Variants in TBC1D9B observed in about 807,000 individuals in gnomAD.
TBC1D9B encodes the protein TBC1 domain family member 9B.
In TBC1D9B, 87 loss-of-function variants were observed where a neutral mutation model predicts 121.1. That is an observed-to-expected ratio of 0.72 (90% CI 0.60 to 0.86). The LOEUF (loss-of-function observed/expected upper bound fraction) is 0.86, where lower values mean the gene tolerates loss of function less well. Ranked by LOEUF, TBC1D9B falls within the 40% of genes least tolerant of loss-of-function variation. The pLI is 0.00. For synonymous variants in TBC1D9B, 668 were observed against 670.1 expected (o/e 1.00, Z 0.05); for missense variants, 1,540 against 1,628.6 (o/e 0.95, Z 0.94).
In TBC1D9B at chr5:179,865,839, T is replaced by G. The variant is rs754690652; in HGVS notation, c.2913A>C (p.Gly971=). The stretch of plus-strand genomic sequence containing the variant: ...ACAGCGGCAGAGAATGGCCTGTACC[T>G]CCTCTCTCCTCACTTCCACTTCCTT... ...EQEGSGSEER[G]EEKGTSSPDY... The change falls in exon 19 of 21, where the codon GGA becomes GGC. Residue 971 remains glycine, a splice_region_variant and synonymous_variant. Coordinates refer to ENST00000355235, the MANE Select transcript of TBC1D9B (RefSeq NM_015043.4). This position sits in a 1 kb window ranked among gnomAD's most constrained non-coding sequence, Gnocchi z 5.1. 3 of 1,606,220 alleles carry G rather than the reference T, an allele frequency of 1.9e-6. No homozygotes were observed. The highest frequency in any genetic ancestry group is 3.4e-5 in the Admixed American group (2 of 59,192).
intron 3 of TBC1D9B, among the ~76,000 whole-genome samples, chr5:179,896,693 T>G (rs1761025651): frequency 6.6e-6 from 1 of 151,932 alleles, no homozygotes; most frequent in Non-Finnish European, 1.5e-5. Flanking sequence ...CAGCTAATTT[T>G]TTATATTTTT....
chr5:179,868,770 G>C (rs899312663), intron 17 of TBC1D9B: 2 of 152,508 alleles, frequency 1.3e-5, no homozygotes, highest in African/African-American at 4.8e-5. Flanking sequence ...TCCTGGGTGA[G>C]TGTAGCGGGC....
chr5:179,871,610 T>G (rs1760200852), intron 14 of TBC1D9B, 80 bp from the exon 15 acceptor site: 1 of 1,496,338 alleles, frequency 6.7e-7, no homozygotes, highest in Non-Finnish European at 9.2e-7. Flanking sequence ...GAGAGCATCC[T>G]CGGCAGACAA....
chr5:179,894,740 G>T, intron 3 of TBC1D9B, 126 bp from the exon 4 acceptor site: 1 of 867,170 alleles, frequency 1.2e-6, no homozygotes, highest in South Asian at 1.7e-5. Context: ...GCACAGCTGG[G>T]AACAGTCAGT....
chr5:179,885,246 CTT>C lies in TBC1D9B; in HGVS notation c.1254+2855_1254+2856del, dbSNP rs2113628220. On this transcript the variant is annotated intron_variant, in intron 7 of 20. Transcript: ENST00000355235. This position sits in a 1 kb window ranked among gnomAD's most constrained non-coding sequence, Gnocchi z 4.5. ...AGATTAATTTTAACAATATATTTGA[CTT>C]AATCCAATATATCCAAAATACTCGC... is the stretch of plus-strand genomic sequence containing the variant. Among the ~76,000 whole-genome samples the C allele has an allele frequency of 6.6e-6, 1 of 152,268 alleles. No homozygotes were observed. The highest frequency in any genetic ancestry group is 6.5e-5 in the Admixed American group (1 of 15,296).
At position 179,863,933 on chromosome 5, in the gene TBC1D9B, C is replaced by T. The variant is rs147706585; in HGVS notation, c.3217G>A (p.Glu1073Lys). Residue 1073 changes from glutamate to lysine, a missense_variant, in exon 21 of 21, where the codon GAA becomes AAA. Transcript: ENST00000355235. This position sits in a 1 kb window ranked among gnomAD's most constrained non-coding sequence, Gnocchi z 4.5. The stretch of plus-strand genomic sequence containing the variant: ...TCCCTGGCTGCGTCCTGATGCAGTT[C>T]GGGTGCTGGTGGCTCGTCCTCCTCA... ...ATEEDEPPAPELHQDAARELQ... is the reference protein window; with the variant it reads ...ATEEDEPPAPKLHQDAARELQ... 1.0e-3 allele frequency: 1,655 copies of T among 1,613,900 alleles called. 12 individuals are homozygous for T. Among genetic ancestry groups the T allele is most frequent in the South Asian group, 7.6e-3 (694 of 91,076 alleles).
chr5:179,895,175 TG>T (rs1697724802), intron 3 of TBC1D9B, among the ~76,000 whole-genome samples: 1 of 152,212 alleles, frequency 6.6e-6, no homozygotes, highest in African/African-American at 2.4e-5. Context: ...ACTTTTAAAA[TG>T]AATATTTCAG....
chr5:179,869,986 G>T (rs888091896), intron 16 of TBC1D9B, 152 bp from the exon 17 acceptor site: 3 of 946,334 alleles, frequency 3.2e-6, no homozygotes, highest in South Asian at 3.5e-5. Context: ...TCTCCCTGGC[G>T]TCCTGCTGGG....
At position 179,891,455 on chromosome 5, in the gene TBC1D9B, A is replaced by G; in HGVS notation, c.968T>C (p.Met323Thr). 6.2e-7 allele frequency: 1 copy of G among 1,614,208 alleles called. No individual in the cohort carries two copies. Among genetic ancestry groups the G allele is most frequent in the Non-Finnish European group, 8.5e-7 (1 of 1,180,036 alleles). ...PFNKLHIPGQ[M>T]FISNNYICFA... Reference sequence around the variant, plus strand: ...GCAGATGTAGTTGTTGGAGATGAACATCTGGCCAGGGATGTGCAGCTTGTT... The same window carrying G: ...GCAGATGTAGTTGTTGGAGATGAACGTCTGGCCAGGGATGTGCAGCTTGTT... Residue 323 changes from methionine to threonine, a missense_variant, in exon 6 of 21, where the codon ATG becomes ACG. Met to Thr is a moderately conservative substitution (Grantham distance 81). Transcript: ENST00000355235. This position sits in a 1 kb window ranked among gnomAD's most constrained non-coding sequence, Gnocchi z 4.3.
intron 6 of TBC1D9B, among the ~76,000 whole-genome samples, chr5:179,888,791 G>A (rs369607385): frequency 2.6e-5 from 4 of 152,162 alleles, no homozygotes; most frequent in Admixed American, 6.5e-5. Context: ...GCAGGGAGAC[G>A]GACGAGGGAT....
chr5:179,900,910 C>T (rs1403561524), intron 2 of TBC1D9B, among the ~76,000 whole-genome samples: 1 of 152,198 alleles, frequency 6.6e-6, no homozygotes, highest in African/African-American at 2.4e-5. Flanking sequence ...CCCTCCCTGA[C>T]CAGGCTCTTC....
At position 179,870,527 on chromosome 5, in the gene TBC1D9B, C is replaced by T. The variant is rs565855706; in HGVS notation, c.2485-32G>A. The stretch of plus-strand genomic sequence containing the variant: ...GACACGGTCTGGTGAGACGGTCCAG[C>T]CGCTAAGCCTGTGGGTCGAGGGGAC... On this transcript the variant is annotated intron_variant, in intron 15 of 20. Transcript: ENST00000355235. 42 of 1,582,338 alleles carry T rather than the reference C, an allele frequency of 2.7e-5. No individual in the cohort carries two copies. The African/African-American group carries it at 2.8e-4, about 11-fold the overall frequency.
intron 5 of TBC1D9B, among the ~76,000 whole-genome samples, chr5:179,892,080 T>G (rs1201757048): frequency 1.3e-5 from 2 of 152,190 alleles, no homozygotes; most frequent in African/African-American, 2.4e-5. Context: ...AATGCACACC[T>G]GTGTATCTGA....
rs1256676518 is a variant in TBC1D9B at position 179,904,830 on chromosome 5, A to C, written c.119-18T>G. The C allele has an allele frequency of 6.5e-7, 1 of 1,542,098 alleles. No homozygotes were observed. Among genetic ancestry groups the C allele is most frequent in the Non-Finnish European group, 8.8e-7 (1 of 1,141,204 alleles). Reference sequence around the variant, plus strand: ...GAGAAGACCTGGGAACAGGGCAGAGAGACATAGAGGGTGAGGGGAGGGCCG... The same window carrying C: ...GAGAAGACCTGGGAACAGGGCAGAGCGACATAGAGGGTGAGGGGAGGGCCG... On this transcript the variant is annotated intron_variant, in intron 1 of 20. Coordinates refer to ENST00000355235, the MANE Select transcript of TBC1D9B (RefSeq NM_015043.4). This position sits in a 1 kb window ranked among gnomAD's most constrained non-coding sequence, Gnocchi z 4.2.
chr5:179,906,931 G>A (rs1582112180), intron 1 of TBC1D9B, among the ~76,000 whole-genome samples: 1 of 152,258 alleles, frequency 6.6e-6, no homozygotes, highest in African/African-American at 2.4e-5. Context: ...GCAGTGCTGG[G>A]CGCAGGCCCT....
At chr5:179,868,016 T>A in intron 17 of TBC1D9B, 167 bp from the exon 18 acceptor site, 1 of 502,832 alleles carries the variant, frequency 2.0e-6, no homozygotes, top group Non-Finnish European at 3.3e-6. Context: ...TGGTGATGAT[T>A]GGTTCTGGTT....
At position 179,903,637 on chromosome 5, in the gene TBC1D9B, G is replaced by A. The variant is rs1393964671; in HGVS notation, c.229+1065C>T. 4.6e-5 allele frequency among the ~76,000 whole-genome samples: 7 copies of A among 152,142 alleles called. No homozygotes were observed. In the South Asian group the frequency reaches 1.0e-3, roughly 23 times the overall value. The stretch of plus-strand genomic sequence containing the variant: ...TGTTTAAAGATGCCTTATTTAATAC[G>A]TATTCCTGATCGATTGGCATTGAGC... On this transcript the variant is annotated intron_variant, in intron 2 of 20. Transcript: ENST00000355235.
rs1244205733 is a variant in TBC1D9B, at chr5:179,891,555, A to G, written c.868T>C (p.Tyr290His). The G allele has an allele frequency of 6.2e-7, 1 of 1,613,718 alleles. No homozygotes were observed. The highest frequency in any genetic ancestry group is 8.5e-7 in the Non-Finnish European group (1 of 1,179,992). ...DLDARAKNEC[Y>H]RATFRLPRDE... The stretch of plus-strand genomic sequence containing the variant: ...CTGGGCAGCCGGAACGTGGCTCGGT[A>G]GCACTCATTCTTGGCTCGGGCGTCC... Residue 290 changes from tyrosine (Y) to histidine (H), a missense_variant, in exon 6 of 21, where the codon TAC becomes CAC. Tyr to His is a moderately conservative substitution (Grantham distance 83). Transcript: ENST00000355235. This position sits in a 1 kb window ranked among gnomAD's most constrained non-coding sequence, Gnocchi z 4.3.
At chr5:179,864,437 T>C (rs1418036685) in intron 20 of TBC1D9B, among the ~76,000 whole-genome samples, 1 of 152,214 alleles carries the variant, frequency 6.6e-6, no homozygotes, top group African/African-American at 2.4e-5. Flanking sequence ...CTACCACGAC[T>C]CTAAATCCAG....
Sources: allele counts gnomAD v4.1 joint callset (sites outside exome capture counted in the v4.1 genomes callset), GRCh38; gene constraint gnomAD v4.1.1; non-coding constraint Gnocchi (gnomAD v3.1); transcripts MANE v1.5; gene names NCBI Gene and HGNC (gene_info 2026-07-23, HGNC 2026-07-21).